Variants in IL6R observed in about 807,000 individuals in gnomAD.
The protein encoded by IL6R is interleukin-6 receptor subunit alpha.
IL6R carries 38 observed loss-of-function variants against 48.3 expected under a neutral mutation model. The observed-to-expected ratio is 0.79, with a 90% CI of 0.61 to 1.03. The LOEUF (loss-of-function observed/expected upper bound fraction) is 1.03, where lower values mean the gene tolerates loss of function less well. IL6R is among the 50% of genes least tolerant of loss of function. The pLI is 0.00. For missense variants in IL6R, 534 were observed against 618.3 expected (o/e 0.86, Z 1.45); for synonymous variants, 264 against 256.2 (o/e 1.03, Z -0.29).
chr1:154,423,358 G>C (rs1173037867), intron 1 of IL6R, among the ~76,000 whole-genome samples: 1 of 147,734 alleles, frequency 6.8e-6, no homozygotes, highest in Admixed American at 7.0e-5. Flanking sequence ...GGAAGAGAAA[G>C]AAATCACCTC....
At chr1:154,462,798 T>C (rs7354845) in intron 9 of IL6R, among the ~76,000 whole-genome samples, 1 of 152,144 alleles carries the variant, frequency 6.6e-6, no homozygotes, top group Non-Finnish European at 1.5e-5. Flanking sequence ...TTTGCTTTTA[T>C]TTAATTAATT....
chr1:154,428,308 C>T (rs1689086289), intron 1 of IL6R, among the ~76,000 whole-genome samples: 1 of 151,970 alleles, frequency 6.6e-6, no homozygotes, highest in African/African-American at 2.4e-5. Flanking sequence ...GTAAACACAG[C>T]ATTGCTGTAG....
At chr1:154,435,315 T>G (rs756366377) in intron 5 of IL6R, among the ~76,000 whole-genome samples, 159 bp downstream of exon 5, 16 of 151,962 alleles carry the variant, frequency 1.1e-4, no homozygotes, top group Non-Finnish European at 1.9e-4. Context: ...TTCGAGACCA[T>G]CCTGGCCAAC....
intron 1 of IL6R, among the ~76,000 whole-genome samples, chr1:154,428,951 G>C (rs2149234778): frequency 6.6e-6 from 1 of 152,276 alleles, no homozygotes; most frequent in East Asian, 1.9e-4. Flanking sequence ...GGCCCTTGAA[G>C]GGTTTTCTAA....
At chr1:154,462,374 C>CTTTT (rs34351697) in intron 9 of IL6R, among the ~76,000 whole-genome samples, 1 of 137,174 alleles carries the variant, frequency 7.3e-6, no homozygotes, top group African/African-American at 2.7e-5. Context: ...AAATCTCAGA[C>CTTTT]TTTTTTTTTT....
chr1:154,441,933 CAGAG>C (rs147247764), intron 6 of IL6R, among the ~76,000 whole-genome samples: 1,555 of 152,258 alleles, frequency 0.01, 32 homozygotes, highest in African/African-American at 0.036. Flanking sequence ...TTGTTCCTTT[CAGAG>C]AGTTTTTGTG....
In IL6R at chr1:154,465,226, C is replaced by T; in HGVS notation, c.1253C>T (p.Pro418Leu). 1.2e-6 allele frequency: 2 copies of T among 1,614,182 alleles called. No homozygotes were observed. Among genetic ancestry groups the T allele is most frequent in the Non-Finnish European group, 1.7e-6 (2 of 1,180,028 alleles). Residue 418 changes from proline (P) to leucine (L), a missense_variant, in exon 10 of 10, where the codon CCT becomes CTT. Coordinates refer to ENST00000368485, the MANE Select transcript of IL6R (RefSeq NM_000565.4). ...YSLGQLVPER[P>L]RPTPVLVPLI... ...TTGGGGCAGCTGGTCCCGGAGAGGC[C>T]TCGACCCACCCCAGTGCTTGTTCCT...
At chr1:154,447,438 CAA>C (rs201893129) in intron 6 of IL6R, among the ~76,000 whole-genome samples, 22 of 38,408 alleles carry the variant, frequency 5.7e-4, no homozygotes, top group South Asian at 9.2e-4. Context: ...AACTCCATCT[CAA>C]AAAAAAAAAA....
At position 154,411,803 on chromosome 1, in the gene IL6R, G is replaced by C. The variant is rs116068173; in HGVS notation, c.85+6089G>C. Among the ~76,000 whole-genome samples the C allele has an allele frequency of 5.7e-3, 873 of 152,178 alleles. 12 individuals carry two copies. Among genetic ancestry groups the C allele is most frequent in the African/African-American group, 0.02 (833 of 41,502 alleles). ...GGATCACTTGAGCCCAGGAGTTCGA[G>C]GCTGCAGTGAACCGTGACAGCAACA... On this transcript the variant is annotated intron_variant, in intron 1 of 9. Coordinates refer to ENST00000368485, the MANE Select transcript of IL6R (RefSeq NM_000565.4).
At chr1:154,429,125 T>A (rs1689142810) in intron 1 of IL6R, 71 bp from the exon 2 acceptor site, 2 of 1,529,228 alleles carry the variant, frequency 1.3e-6, no homozygotes, top group East Asian at 4.6e-5. Flanking sequence ...CTCTCGTGGC[T>A]TCCTCAGACC....
chr1:154,408,747 G>C (rs1687871059), intron 1 of IL6R, among the ~76,000 whole-genome samples: 1 of 152,126 alleles, frequency 6.6e-6, no homozygotes, highest in Non-Finnish European at 1.5e-5. Flanking sequence ...CACCAGGCCT[G>C]GAAGCCACAG....
At chr1:154,421,265 G>A (rs1357723479) in intron 1 of IL6R, among the ~76,000 whole-genome samples, 2 of 152,216 alleles carry the variant, frequency 1.3e-5, no homozygotes, top group Non-Finnish European at 1.5e-5. Flanking sequence ...TGTCCTGGAG[G>A]TTGGTGGGGC....
Position 154,465,183 on chromosome 1 carries a change from A to G in IL6R, c.1210A>G (p.Met404Val), listed in dbSNP as rs1398293656. Residue 404 changes from methionine to valine, a missense_variant, in exon 10 of 10, where the codon ATG becomes GTG. By Grantham distance (21) the Met-to-Val change is conservative. Coordinates refer to ENST00000368485, the MANE Select transcript of IL6R (RefSeq NM_000565.4). ...LRALKEGKTS[M>V]HPPYSLGQLV... The stretch of plus-strand genomic sequence containing the variant: ...GGCTCTGAAGGAAGGCAAGACAAGC[A>G]TGCATCCGCCGTACTCTTTGGGGCA... 3 of 1,614,136 alleles carry G rather than the reference A, an allele frequency of 1.9e-6. No individual in the cohort carries two copies. Among genetic ancestry groups the G allele is most frequent in the Admixed American group, 1.7e-5 (1 of 60,024 alleles).
In IL6R at chr1:154,467,989, C is replaced by A. The variant is rs1200631516; in HGVS notation, c.*2609C>A. ...AGCGGAAGATGTGAAATCCAGATAGCTCATTATTGCCAAGAGCTAGGCAGC... is the reference window on the plus strand; with the variant it reads ...AGCGGAAGATGTGAAATCCAGATAGATCATTATTGCCAAGAGCTAGGCAGC... On this transcript the variant is annotated 3_prime_UTR_variant, in exon 10 of 10. Coordinates refer to ENST00000368485, the MANE Select transcript of IL6R (RefSeq NM_000565.4). The A allele has an allele frequency of 1.3e-5, 2 of 152,218 alleles. No homozygotes were observed. Among genetic ancestry groups the A allele is most frequent in the Non-Finnish European group, 1.5e-5 (1 of 68,040 alleles). 9.4% of individuals were successfully genotyped at this position (152,218 alleles called of 1,614,324 possible).
chr1:154,453,410 G>A (rs1690699262), intron 8 of IL6R, among the ~76,000 whole-genome samples: 1 of 152,196 alleles, frequency 6.6e-6, no homozygotes, highest in Non-Finnish European at 1.5e-5. Flanking sequence ...ATGGCTGGCA[G>A]GCAGCCTCTT....
rs527356558 is a variant in IL6R, at chr1:154,446,299, T to C, written c.950-1826T>C. On this transcript the variant is annotated intron_variant, in intron 6 of 9. Coordinates refer to ENST00000368485, the MANE Select transcript of IL6R (RefSeq NM_000565.4). Reference sequence around the variant, plus strand: ...GGGCCTCTGTTTCCCCTCTGTACAATTGGAAGAGTGGATGCATTCTTATAC... The same window carrying C: ...GGGCCTCTGTTTCCCCTCTGTACAACTGGAAGAGTGGATGCATTCTTATAC... Among the ~76,000 whole-genome samples the C allele has an allele frequency of 3.3e-5, 5 of 152,262 alleles. 1 individual carries two copies. Among genetic ancestry groups the C allele is most frequent in the African/African-American group, 1.2e-4 (5 of 41,570 alleles).
In IL6R at chr1:154,434,637, T is replaced by G; in HGVS notation, c.577T>G (p.Cys193Gly). The change falls in exon 4 of 10, where the codon TGC becomes GGC. Residue 193 changes from cysteine (C) to glycine (G), a missense_variant. Transcript: ENST00000368485. ...GDSSFYIVSM[C>G]VASSVGSKFS... ...CAGCTCTTTCTACATAGTGTCCATG[T>G]GCGTCGCCAGTAGTGTCGGGAGCAA... The G allele has an allele frequency of 6.2e-7, 1 of 1,614,206 alleles. No homozygotes were observed. The highest frequency in any genetic ancestry group is 8.5e-7 in the Non-Finnish European group (1 of 1,180,038).
intron 8 of IL6R, among the ~76,000 whole-genome samples, chr1:154,453,141 G>A (rs531629736): frequency 6.6e-6 from 1 of 152,306 alleles, no homozygotes; most frequent in Non-Finnish European, 1.5e-5. Flanking sequence ...GGAGGCGGAG[G>A]CTGCAGTGAG....
chr1:154,414,689 T>C, intron 1 of IL6R: 1 of 851,674 alleles, frequency 1.2e-6, no homozygotes, highest in East Asian at 2.6e-5. Context: ...AGGAACACTT[T>C]GTTGTAGCTG....
Sources: allele counts gnomAD v4.1 joint callset (sites outside exome capture counted in the v4.1 genomes callset), GRCh38; gene constraint gnomAD v4.1.1; transcripts MANE v1.5; gene names NCBI Gene and HGNC (gene_info 2026-07-23, HGNC 2026-07-21).